PIKFYVE: variants seen among roughly 807,000 people sequenced by gnomAD.
PIKFYVE encodes 1-phosphatidylinositol 3-phosphate 5-kinase.
Under a neutral mutation model 257.9 loss-of-function variants are expected in PIKFYVE, and 122 were observed. The ratio of observed to expected loss-of-function variants is 0.47; its 90% CI spans 0.41 to 0.55. PIKFYVE has a LOEUF of 0.55. PIKFYVE is among the 20% of genes least tolerant of loss of function. The pLI is 0.00. For synonymous variants in PIKFYVE, 892 were observed against 868.9 expected (o/e 1.03, Z -0.47); for missense variants, 2,160 against 2,536.6 (o/e 0.85, Z 3.19).
chr2:208,296,046 C>G (rs1371948279), intron 7 of PIKFYVE, among the ~76,000 whole-genome samples: 1 of 151,860 alleles, frequency 6.6e-6, no homozygotes, highest in Admixed American at 6.6e-5. Flanking sequence ...GCTTTGTTGC[C>G]CAGGCTGGAG....
intron 36 of PIKFYVE, 99 bp downstream of exon 36, chr2:208,350,182 C>T: frequency 1.3e-6 from 2 of 1,511,768 alleles, no homozygotes; most frequent in Non-Finnish European, 1.8e-6. Flanking sequence ...ATAAATGTCC[C>T]AGTTCTTGAA....
chr2:208,336,273 A>C, intron 27 of PIKFYVE, 73 bp downstream of exon 27: 2 of 1,564,148 alleles, frequency 1.3e-6, no homozygotes, highest in South Asian at 1.1e-5. Context: ...TAAAACTTAA[A>C]AATTTTTAAT....
intron 24 of PIKFYVE, among the ~76,000 whole-genome samples, chr2:208,334,766 C>T (rs1697946709): frequency 1.3e-5 from 2 of 152,224 alleles, no homozygotes; most frequent in Non-Finnish European, 2.9e-5. Context: ...GTTATATCCT[C>T]AGCACCTAAA....
intron 5 of PIKFYVE, among the ~76,000 whole-genome samples, chr2:208,279,776 G>C (rs937496310): frequency 2.1e-4 from 32 of 152,064 alleles, no homozygotes; most frequent in African/African-American, 7.2e-4. Flanking sequence ...TTTTGTACCA[G>C]TACCACTGCT....
At chr2:208,287,348 A>T (rs951652745) in intron 6 of PIKFYVE, among the ~76,000 whole-genome samples, 1 of 148,476 alleles carries the variant, frequency 6.7e-6, no homozygotes. Context: ...ATCTCGGCTC[A>T]CTGCAACCTT....
rs1351677271 is a variant in PIKFYVE at position 208,315,272 on chromosome 2, A to G, written c.1906A>G (p.Ile636Val). ...CTCACTGTCATCATCTTGGAGGGACATCATCGTGTCATTGGTCTGCCAGGT... is the reference window on the plus strand; with the variant it reads ...CTCACTGTCATCATCTTGGAGGGACGTCATCGTGTCATTGGTCTGCCAGGT... ...SDSLSSSWRDIIVSLVCQVVQ... is the reference protein window; with the variant it reads ...SDSLSSSWRDVIVSLVCQVVQ... The change falls in exon 15 of 42, where the codon ATC (isoleucine) becomes GTC (valine). Residue 636 changes from isoleucine to valine, a missense_variant. By Grantham distance (29) the Ile-to-Val change is conservative (BLOSUM62 3). Transcript: ENST00000264380. The G allele has an allele frequency of 6.2e-7, 1 of 1,614,160 alleles. No individual in the cohort carries two copies. Among genetic ancestry groups the G allele is most frequent in the East Asian group, 2.2e-5 (1 of 44,866 alleles).
At chr2:208,278,428 C>G (rs1481524632) in intron 5 of PIKFYVE, among the ~76,000 whole-genome samples, 1 of 150,726 alleles carries the variant, frequency 6.6e-6, no homozygotes, top group African/African-American at 2.4e-5. Context: ...ATAATTTCAA[C>G]TTTTATTTTA....
At chr2:208,289,365 A>G (rs1423988191) in intron 7 of PIKFYVE, among the ~76,000 whole-genome samples, 1 of 152,192 alleles carries the variant, frequency 6.6e-6, no homozygotes, top group Admixed American at 6.5e-5. Flanking sequence ...TGTATTTTTC[A>G]TTAAGATTTA....
intron 33 of PIKFYVE, among the ~76,000 whole-genome samples, 158 bp downstream of exon 33, chr2:208,345,352 C>T (rs957983509): frequency 9.2e-5 from 14 of 151,766 alleles, no homozygotes; most frequent in African/African-American, 3.1e-4. Flanking sequence ...CAACAAAGCT[C>T]AAATATAGCA....
chr2:208,274,069 G>A, intron 3 of PIKFYVE: 4 of 1,610,024 alleles, frequency 2.5e-6, no homozygotes, highest in Non-Finnish European at 3.4e-6. Flanking sequence ...TTTCCACTTT[G>A]TGAATGAATT....
In PIKFYVE at chr2:208,330,392, G is replaced by A. The variant is rs569605259; in HGVS notation, c.3792-131G>A. Reference sequence around the variant, plus strand: ...CTATCACCGTGCTGTAGCTGAAGACGATGTTCAGCTGCAGGCTCAGAGCAG... The same window carrying A: ...CTATCACCGTGCTGTAGCTGAAGACAATGTTCAGCTGCAGGCTCAGAGCAG... On this transcript the variant is annotated intron_variant, in intron 22 of 41. Coordinates refer to ENST00000264380, the MANE Select transcript of PIKFYVE (RefSeq NM_015040.4). 126 of 1,027,356 alleles carry A rather than the reference G, an allele frequency of 1.2e-4. No homozygotes were observed. In the African/African-American group the frequency reaches 1.7e-3, roughly 13 times the overall value. The allele number at this position is 1,027,356 out of a possible 1,614,324, so 63.6% of individuals were successfully genotyped here.
intron 13 of PIKFYVE, among the ~76,000 whole-genome samples, chr2:208,313,814 C>T (rs1450122255): frequency 6.6e-6 from 1 of 152,168 alleles, no homozygotes; most frequent in African/African-American, 2.4e-5. Flanking sequence ...AACTCCTGAC[C>T]TCAGGTGATC....
Position 208,326,081 on chromosome 2 carries a change from C to T in PIKFYVE, c.3270C>T (p.Leu1090=), listed in dbSNP as rs766037305. The T allele has an allele frequency of 1.2e-5, 19 of 1,613,964 alleles. No individual in the cohort carries two copies. The highest frequency in any genetic ancestry group is 5.0e-5 in the Admixed American group (3 of 59,986). The change falls in exon 20 of 42, where the codon CTC becomes CTT. Residue 1090 remains leucine, a synonymous_variant. Coordinates refer to ENST00000264380, the MANE Select transcript of PIKFYVE (RefSeq NM_015040.4). ...CAGAGCAGGTTTACTGGTCTCCTCT[C>T]CTCAATAAAGAATTCAAAGAAATGG... ...YFAEQVYWSP[L]LNKEFKEMEN...
intron 17 of PIKFYVE, among the ~76,000 whole-genome samples, chr2:208,322,374 TAAAAAAAAAAA>T (rs11471825): frequency 1.0e-5 from 1 of 97,808 alleles, no homozygotes; most frequent in East Asian, 3.3e-4. Context: ...CCCTGTCTCT[TAAAAAAAAAAA>T]AAAAAAAAAA....
At chr2:208,286,018 C>A (rs531461876) in intron 6 of PIKFYVE, 85 bp downstream of exon 6, 4 of 1,302,608 alleles carry the variant, frequency 3.1e-6, no homozygotes, top group African/African-American at 2.9e-5. Flanking sequence ...TTAACACTTA[C>A]CCTCTTAGAA....
intron 7 of PIKFYVE, among the ~76,000 whole-genome samples, chr2:208,296,532 C>G (rs879911592): frequency 6.6e-6 from 1 of 152,010 alleles, no homozygotes; most frequent in Non-Finnish European, 1.5e-5. Context: ...ATATATGAGT[C>G]CAGAATTTAG....
At chr2:208,319,481 T>C (rs1038588030) in intron 16 of PIKFYVE, among the ~76,000 whole-genome samples, 1 of 152,162 alleles carries the variant, frequency 6.6e-6, no homozygotes, top group Non-Finnish European at 1.5e-5. Flanking sequence ...AATTTGTATG[T>C]GGGTGTGGTG....
chr2:208,326,540 A>G (rs1696942640), intron 20 of PIKFYVE, 111 bp downstream of exon 20: 2 of 1,185,162 alleles, frequency 1.7e-6, no homozygotes, highest in Non-Finnish European at 2.5e-6. Context: ...TTTGTGAAAT[A>G]TTTCTTCTCC....
chr2:208,270,344 G>A (rs1689258816), intron 1 of PIKFYVE, among the ~76,000 whole-genome samples: 1 of 151,972 alleles, frequency 6.6e-6, no homozygotes, highest in African/African-American at 2.4e-5. Context: ...GCCTGGACCA[G>A]TCTACATTAT....
Sources: allele counts gnomAD v4.1 joint callset (sites outside exome capture counted in the v4.1 genomes callset), GRCh38; gene constraint gnomAD v4.1.1; transcripts MANE v1.5; gene names NCBI Gene and HGNC (gene_info 2026-07-23, HGNC 2026-07-21).